Variants in PRMT7 observed in about 807,000 individuals in gnomAD.
PRMT7 encodes protein arginine N-methyltransferase 7.
PRMT7 carries 75 observed loss-of-function variants against 85.4 expected under a neutral mutation model. That is an observed-to-expected ratio of 0.88 (90% confidence interval 0.73 to 1.06). The LOEUF is 1.06. PRMT7 is among the 50% of genes least tolerant of loss of function. PRMT7 has a pLI of 0.00. For missense variants in PRMT7, 868 were observed against 915.2 expected, an observed-to-expected ratio of 0.95 and a Z score of 0.67; for synonymous variants, 397 against 359.5, an observed-to-expected ratio of 1.10 and a Z score of -1.18.
chr16:68,349,553 A>AT (rs1183899533), intron 14 of PRMT7, among the ~76,000 whole-genome samples: 1 of 152,062 alleles, frequency 6.6e-6, no homozygotes, highest in African/African-American at 2.4e-5. Context: ...CAGTTGAGTG[A>AT]TTTTTTTAAG....
In PRMT7 at chr16:68,357,431, A is replaced by G; in HGVS notation, c.*207A>G. 1.8e-6 allele frequency: 1 copy of G among 570,708 alleles called. No homozygotes were observed. Among genetic ancestry groups the G allele is most frequent in the Non-Finnish European group, 3.0e-6 (1 of 337,636 alleles). 35.4% of individuals were successfully genotyped at this position (570,708 alleles called of 1,614,324 possible). On this transcript the variant is annotated 3_prime_UTR_variant, in exon 19 of 19. Coordinates refer to ENST00000441236, the MANE Select transcript of PRMT7 (RefSeq NM_019023.5). ...GGCAGGAAGCATGAGAGGGTGACTGAATTTGGAGCCCTGGAGGGGCTGGGA... is the reference window on the plus strand; with the variant it reads ...GGCAGGAAGCATGAGAGGGTGACTGGATTTGGAGCCCTGGAGGGGCTGGGA...
intron 3 of PRMT7, among the ~76,000 whole-genome samples, chr16:68,320,728 G>C (rs907193963): frequency 4.6e-5 from 7 of 152,170 alleles, no homozygotes; most frequent in Non-Finnish European, 8.8e-5. Flanking sequence ...CTAACTACTG[G>C]AGCATTTTTA....
At position 68,355,708 on chromosome 16, in the gene PRMT7, C is replaced by T. The variant is rs377079467; in HGVS notation, c.1651-15C>T. ...GGCCTGTCTCTGCAGCCCCCAGGCC[C>T]CCTTCTGTTCGCAGCGTGCCCTGGA... On this transcript the variant is annotated splice_polypyrimidine_tract_variant and intron_variant, in intron 16 of 18. Coordinates refer to ENST00000441236, the MANE Select transcript of PRMT7 (RefSeq NM_019023.5). 3.9e-6 allele frequency: 6 copies of T among 1,555,202 alleles called. No individual in the cohort carries two copies. Among genetic ancestry groups the T allele is most frequent in the Non-Finnish European group, 4.4e-6 (5 of 1,145,450 alleles).
chr16:68,342,000 G>A (rs546944385), intron 9 of PRMT7, among the ~76,000 whole-genome samples: 50 of 152,286 alleles, frequency 3.3e-4, no homozygotes, highest in African/African-American at 1.1e-3. Context: ...TTAACCAGCT[G>A]GGTGTGGTGG....
At chr16:68,315,789 G>T in intron 2 of PRMT7, 108 bp from the exon 3 acceptor site, 1 of 582,260 alleles carries the variant, frequency 1.7e-6, no homozygotes, top group Non-Finnish European at 3.1e-6. Context: ...TTTTTTCCCC[G>T]CTTTTGTCTC....
At chr16:68,324,995 C>A in intron 5 of PRMT7, 163 bp downstream of exon 5, 1 of 839,466 alleles carries the variant, frequency 1.2e-6, no homozygotes, top group Admixed American at 3.3e-5. Flanking sequence ...AGACACAGTT[C>A]CTTCCTCCAG....
In PRMT7 at chr16:68,339,557, T is replaced by C. The variant is rs1762955060; in HGVS notation, c.740T>C (p.Met247Thr). 3 of 1,613,338 alleles carry C rather than the reference T, an allele frequency of 1.9e-6. No individual in the cohort carries two copies. In the South Asian group the frequency reaches 3.3e-5, roughly 18 times the overall value. ...ACAGTCCTCAGCGATGTGCTGCCCATGTTCAGGTACCAAGGAGCCACCATA... is the reference window on the plus strand; with the variant it reads ...ACAGTCCTCAGCGATGTGCTGCCCACGTTCAGGTACCAAGGAGCCACCATA... The part of the protein sequence containing the change: ...DFTVLSDVLP[M>T]FSIDFSKQVS... Residue 247 changes from methionine (M) to threonine (T), a missense_variant, in exon 8 of 19, where the codon ATG (methionine) becomes ACG (threonine). Transcript: ENST00000441236.
In PRMT7 at chr16:68,355,877, T is replaced by C; in HGVS notation, c.1805T>C (p.Leu602Pro). 6.3e-7 allele frequency: 1 copy of C among 1,593,614 alleles called. No homozygotes were observed. Among genetic ancestry groups the C allele is most frequent in the Non-Finnish European group, 8.5e-7 (1 of 1,172,618 alleles). The change falls in exon 17 of 19, where the codon CTC becomes CCC. Residue 602 changes from leucine to proline, a missense_variant. Transcript: ENST00000441236. Reference sequence around the variant, plus strand: ...CTGTGTGCCGAGGGCACCGTGGAGCTCAGAAGGTGGGTGCAGAGAGGGCTG... The same window carrying C: ...CTGTGTGCCGAGGGCACCGTGGAGCCCAGAAGGTGGGTGCAGAGAGGGCTG... The part of the protein sequence containing the change: ...QPLCAEGTVE[L>P]RRPGQSHAAV...
chr16:68,335,801 T>C (rs1429066785), intron 6 of PRMT7, among the ~76,000 whole-genome samples: 1 of 149,448 alleles, frequency 6.7e-6, no homozygotes, highest in African/African-American at 2.5e-5. Context: ...TTTTTTGAAA[T>C]GGAGTCTCAC....
chr16:68,327,282 G>A (rs1265429091), intron 5 of PRMT7, among the ~76,000 whole-genome samples: 2 of 152,184 alleles, frequency 1.3e-5, no homozygotes, highest in Non-Finnish European at 2.9e-5. Context: ...TTTCCACTTC[G>A]TGTGTAGGGC....
At chr16:68,344,932 C>CTACACACACACACACACA (rs1567712716) in intron 9 of PRMT7, among the ~76,000 whole-genome samples, 7 of 106,890 alleles carry the variant, frequency 6.5e-5, no homozygotes, top group Admixed American at 8.9e-5. Flanking sequence ...TCCTGCATCT[C>CTACACACACACACACACA]TACACACACA....
intron 2 of PRMT7, among the ~76,000 whole-genome samples, chr16:68,314,701 G>A (rs1404647422): frequency 6.6e-6 from 1 of 152,204 alleles, no homozygotes; most frequent in African/African-American, 2.4e-5. Flanking sequence ...GAAAGGAAGG[G>A]CAGTGTAGAA....
At chr16:68,343,636 G>C (rs2085877322) in intron 9 of PRMT7, among the ~76,000 whole-genome samples, 1 of 152,208 alleles carries the variant, frequency 6.6e-6, no homozygotes, top group Non-Finnish European at 1.5e-5. Flanking sequence ...GGGAGCCTAG[G>C]AGGGGTCGGG....
At chr16:68,355,939 C>T (rs1298198890) in intron 17 of PRMT7, 56 bp downstream of exon 17, 16 of 1,475,060 alleles carry the variant, frequency 1.1e-5, no homozygotes, top group Non-Finnish European at 1.4e-5. Context: ...CCTTGGAGTT[C>T]TCACCCCCGT....
chr16:68,329,049 T>C lies in PRMT7; in HGVS notation c.283-17T>C. 5.1e-6 allele frequency: 8 copies of C among 1,556,980 alleles called. No homozygotes were observed. Among genetic ancestry groups the C allele is most frequent in the Non-Finnish European group, 7.1e-6 (8 of 1,128,492 alleles). ...TTTATTGCTCATTTTTCCTTGGGTT[T>C]CGGCTCTATTTTCTAGGTTTTCAAG... On this transcript the variant is annotated splice_polypyrimidine_tract_variant and intron_variant, in intron 5 of 18. Transcript: ENST00000441236.
At chr16:68,344,981 A>AATTTTT (rs2086140649) in intron 9 of PRMT7, among the ~76,000 whole-genome samples, 1 of 136,062 alleles carries the variant, frequency 7.3e-6, no homozygotes, top group Non-Finnish European at 1.6e-5. Flanking sequence ...TTTTTTTTTT[A>AATTTTT]TTGCTAAATC....
At chr16:68,348,631 C>CT (rs56041186) in intron 14 of PRMT7, among the ~76,000 whole-genome samples, 200 bp downstream of exon 14, 1,131 of 67,670 alleles carry the variant, frequency 0.017, 102 homozygotes, top group Non-Finnish European at 0.023. Flanking sequence ...TTGCACTGCT[C>CT]TTTTTTTTTT....
At chr16:68,348,840 T>C (rs1183335584) in intron 14 of PRMT7, among the ~76,000 whole-genome samples, 7 of 151,964 alleles carry the variant, frequency 4.6e-5, no homozygotes. Flanking sequence ...CGTTTCATCA[T>C]GTGGCCCAGG....
At chr16:68,318,490 C>T (rs1410650674) in intron 3 of PRMT7, among the ~76,000 whole-genome samples, 2 of 151,916 alleles carry the variant, frequency 1.3e-5, no homozygotes, top group African/African-American at 4.8e-5. Context: ...TGAGCCACTG[C>T]ACCTGCCCAG....
Sources: allele counts gnomAD v4.1 joint callset (sites outside exome capture counted in the v4.1 genomes callset), GRCh38; gene constraint gnomAD v4.1.1; transcripts MANE v1.5; gene names NCBI Gene and HGNC (gene_info 2026-07-23, HGNC 2026-07-21).